The following DOCK9 variants were observed in gnomAD, a reference collection of about 807,000 sequenced individuals.
DOCK9 encodes the protein dedicator of cytokinesis protein 9.
In DOCK9, 89 loss-of-function variants were observed where a neutral mutation model predicts 263.3. That is an observed-to-expected ratio of 0.34 (90% CI 0.28 to 0.40). DOCK9 has a LOEUF of 0.40. DOCK9 is among the 10% of genes least tolerant of loss of function. The pLI is 1.00. For synonymous variants in DOCK9, 976 were observed against 973.1 expected, an observed-to-expected ratio of 1.00 and a Z score of -0.06; for missense variants, 2,140 against 2,603.4, an observed-to-expected ratio of 0.82 and a Z score of 3.87.
chr13:98,847,235 C>T (rs2093420350), intron 37 of DOCK9: 1 of 154,060 alleles, frequency 6.5e-6, no homozygotes, highest in African/African-American at 2.4e-5. Flanking sequence ...GTAGGTGTCA[C>T]TGCAAAAAGT....
intron 1 of DOCK9, among the ~76,000 whole-genome samples, chr13:99,000,017 C>T (rs1595872571): frequency 6.6e-6 from 1 of 152,134 alleles, no homozygotes; most frequent in African/African-American, 2.4e-5. Context: ...AACAATAAGA[C>T]GATATACACT....
upstream of DOCK9, among the ~76,000 whole-genome samples, chr13:98,982,453 C>T (rs571857284): frequency 3.9e-5 from 6 of 152,326 alleles, no homozygotes; most frequent in South Asian, 4.1e-4. Flanking sequence ...TCTCAGTTAA[C>T]CCTCTGAGCC....
intron 1 of DOCK9, among the ~76,000 whole-genome samples, chr13:98,987,373 T>C (rs550692806): frequency 6.6e-6 from 1 of 152,122 alleles, no homozygotes; most frequent in African/African-American, 2.4e-5. Context: ...CTAAGAAAAG[T>C]GTGGTTAAAA....
chr13:99,018,160 C>T (rs1425752224), intron 1 of DOCK9, among the ~76,000 whole-genome samples: 1 of 152,096 alleles, frequency 6.6e-6, no homozygotes, highest in Non-Finnish European at 1.5e-5. Context: ...GAATGTGTCC[C>T]CCAAAGTTCA....
At chr13:98,884,832 T>C (rs1471123115) in intron 21 of DOCK9, 139 bp downstream of exon 21, 3 of 1,096,264 alleles carry the variant, frequency 2.7e-6, no homozygotes, top group Admixed American at 5.4e-5. Context: ...GGCCAAAGTT[T>C]ACTTGAAAAT....
At chr13:99,002,844 C>A (rs1882631607) in intron 1 of DOCK9, among the ~76,000 whole-genome samples, 1 of 152,192 alleles carries the variant, frequency 6.6e-6, no homozygotes, top group East Asian at 1.9e-4. Context: ...TACTCACTTG[C>A]TGTGTGATTT....
At chr13:98,897,905 G>A (rs2047673489) in intron 14 of DOCK9, among the ~76,000 whole-genome samples, 2 of 152,168 alleles carry the variant, frequency 1.3e-5, no homozygotes, top group Non-Finnish European at 2.9e-5. Context: ...GGATTGCCCT[G>A]ACTTCCAGCT....
In DOCK9 at chr13:98,921,056, T is replaced by G; in HGVS notation, c.615A>C (p.Gln205His). Residue 205 changes from glutamine (Q) to histidine (H), a missense_variant, in exon 7 of 53, where the codon CAA becomes CAC. Transcript: ENST00000682017. ...SFKRRFFHLI[Q>H]LGDGSYNLNF... ...TCAAATTATAGGATCCATCGCCAAG[T>G]TGAATCAGGTGGAAAAATCGTCTCT... The G allele has an allele frequency of 6.2e-7, 1 of 1,602,574 alleles. No individual in the cohort carries two copies. The highest frequency in any genetic ancestry group is 8.5e-7 in the Non-Finnish European group (1 of 1,173,942).
intron 1 of DOCK9, among the ~76,000 whole-genome samples, chr13:99,022,024 T>A (rs9517548): frequency 6.6e-6 from 1 of 152,038 alleles, no homozygotes; most frequent in African/African-American, 2.4e-5. Flanking sequence ...ATTAAATAAG[T>A]ACATTTTAAA....
chr13:99,079,537 A>C (rs1283940016), intron 1 of DOCK9, among the ~76,000 whole-genome samples: 3 of 152,234 alleles, frequency 2.0e-5, no homozygotes, highest in African/African-American at 7.2e-5. Flanking sequence ...AGCACTCACT[A>C]TTAACTACTT....
intron 1 of DOCK9, among the ~76,000 whole-genome samples, chr13:98,969,246 T>A (rs1436976687): frequency 6.6e-6 from 1 of 152,180 alleles, no homozygotes; most frequent in Non-Finnish European, 1.5e-5. Flanking sequence ...CCACGTCCCA[T>A]GTAAGTCCAG....
chr13:98,957,465 G>GTGC (rs1429627147), intron 1 of DOCK9, among the ~76,000 whole-genome samples: 1 of 151,938 alleles, frequency 6.6e-6, no homozygotes, highest in Non-Finnish European at 1.5e-5. Context: ...AGTAAAATAT[G>GTGC]TGCTATGTGG....
intron 1 of DOCK9, among the ~76,000 whole-genome samples, chr13:98,996,855 A>G (rs1881165192): frequency 6.6e-6 from 1 of 152,248 alleles, no homozygotes; most frequent in Non-Finnish European, 1.5e-5. Context: ...ATAACTTGGA[A>G]GTAAGTTGCT....
intron 1 of DOCK9, among the ~76,000 whole-genome samples, chr13:99,000,478 G>C (rs1882074511): frequency 6.6e-6 from 1 of 152,184 alleles, no homozygotes; most frequent in Non-Finnish European, 1.5e-5. Context: ...TGGCTTGCAG[G>C]TGGCAAGATA....
chr13:99,088,307 G>C (rs2042392730), upstream of DOCK9: 1 of 152,200 alleles, frequency 6.6e-6, no homozygotes. Context: ...CCTAAGAGTG[G>C]AGCTGGGTGA....
chr13:98,838,903 G>A (rs1295040722), intron 38 of DOCK9, among the ~76,000 whole-genome samples: 6 of 151,694 alleles, frequency 4.0e-5, no homozygotes, highest in Non-Finnish European at 2.9e-5. Flanking sequence ...ACCAGTAATG[G>A]GAAAAAAACA....
chr13:98,933,531 C>G (rs1178753640), intron 2 of DOCK9, among the ~76,000 whole-genome samples: 3 of 152,210 alleles, frequency 2.0e-5, no homozygotes, highest in African/African-American at 4.8e-5. Context: ...CATTACTCAT[C>G]AATTCCTAAC....
chr13:98,982,187 A>G (rs1410885587), upstream of DOCK9, among the ~76,000 whole-genome samples: 10 of 152,228 alleles, frequency 6.6e-5, no homozygotes, highest in Admixed American at 6.5e-4. Context: ...TTTATTATAC[A>G]GCTCGGGTAC....
In DOCK9 at chr13:98,860,420, C is replaced by A; in HGVS notation, c.3682G>T (p.Ala1228Ser). 5 of 1,588,594 alleles carry A rather than the reference C, an allele frequency of 3.1e-6. No homozygotes were observed. The highest frequency in any genetic ancestry group is 4.3e-6 in the Non-Finnish European group (5 of 1,166,294). ...DNSLHKDLLG[A>S]ISGIASPYTT... ...GGAGCGTTACCAATGCCGGAGATGG[C>A]GCCCAGCAGGTCCTTGTGCAGGCTG... Residue 1228 changes from alanine to serine, a missense_variant, in exon 33 of 53, where the codon GCC becomes TCC. Ala to Ser is a moderately conservative substitution (Grantham distance 99, BLOSUM62 1). Transcript: ENST00000682017.
Sources: gnomAD v4.1 joint callset for allele counts (sites outside exome capture counted in the v4.1 genomes callset) on GRCh38, gnomAD v4.1.1 for gene constraint, MANE v1.5 for transcripts, NCBI Gene and HGNC (gene_info 2026-07-23, HGNC 2026-07-21) for gene names.